MMP26: variants seen among roughly 807,000 people sequenced by gnomAD.
MMP26 encodes matrix metalloproteinase-26.
In MMP26, 33 loss-of-function variants were observed where a neutral mutation model predicts 31.0. The ratio of observed to expected loss-of-function variants is 1.06; its 90% CI spans 0.81 to 1.42. The LOEUF is 1.42. MMP26 is among the 40% of genes most tolerant of loss of function. MMP26 has a pLI of 0.00. For missense variants in MMP26, 347 were observed against 316.1 expected (o/e 1.10, Z -0.74); for synonymous variants, 122 against 114.9 (o/e 1.06, Z -0.40).
intron 2 of MMP26, chr11:4,848,802 C>T (rs151316061): frequency 9.9e-6 from 16 of 1,614,022 alleles, no homozygotes; most frequent in Non-Finnish European, 1.3e-5. Context: ...GTGGAGAGGT[C>T]GGCAGATGGC....
intron 2 of MMP26, among the ~76,000 whole-genome samples, chr11:4,957,674 C>T (rs75354296): frequency 6.6e-6 from 1 of 151,848 alleles, no homozygotes; most frequent in African/African-American, 2.4e-5. Flanking sequence ...ATCACACACA[C>T]TTCTGTTTTT....
At chr11:4,978,081 T>G (rs1332731046) in intron 2 of MMP26, among the ~76,000 whole-genome samples, 1 of 152,086 alleles carries the variant, frequency 6.6e-6, no homozygotes, top group Non-Finnish European at 1.5e-5. Flanking sequence ...CGCCTTCACT[T>G]TCTTCACTTA....
chr11:4,720,887 T>C (rs1231812491), intron 1 of MMP26, among the ~76,000 whole-genome samples: 1 of 152,176 alleles, frequency 6.6e-6, no homozygotes, highest in Non-Finnish European at 1.5e-5. Flanking sequence ...CCACTGATGG[T>C]TGATTCTATT....
chr11:4,854,952 G>C (rs556064527), intron 2 of MMP26, among the ~76,000 whole-genome samples: 19 of 152,216 alleles, frequency 1.2e-4, no homozygotes, highest in African/African-American at 4.3e-4. Flanking sequence ...AAGCAAACAG[G>C]GTCTGGAGCG....
intron 2 of MMP26, chr11:4,832,074 T>G (rs1007400078): frequency 6.6e-6 from 1 of 152,204 alleles, no homozygotes; most frequent in Non-Finnish European, 1.5e-5. Flanking sequence ...TTAAAAACTT[T>G]TATCTATTGT....
chr11:4,724,357 T>C (rs956425287), intron 1 of MMP26, among the ~76,000 whole-genome samples: 1 of 152,222 alleles, frequency 6.6e-6, no homozygotes, highest in Non-Finnish European at 1.5e-5. Context: ...TGTGACCTCC[T>C]GGTTAGATGA....
chr11:4,924,470 G>A lies in MMP26; in HGVS notation c.-144-63598G>A. ...GGAAGCATCTGCAGATGGCATAGGGGAGAACTGGGTGGGGGCTGATCTATT... is the reference window on the plus strand; with the variant it reads ...GGAAGCATCTGCAGATGGCATAGGGAAGAACTGGGTGGGGGCTGATCTATT... On this transcript the variant is annotated intron_variant, in intron 2 of 7. Coordinates refer to ENST00000380390, the MANE Select transcript of MMP26 (RefSeq NM_021801.5). 7 of 905,884 alleles carry A rather than the reference G, an allele frequency of 7.7e-6. No homozygotes were observed. The South Asian group carries it at 1.2e-4, about 15-fold the overall frequency. 56.1% of individuals were successfully genotyped at this position (905,884 alleles called of 1,614,324 possible).
At chr11:4,822,214 C>A (rs760483116) in intron 2 of MMP26, 2 of 1,587,470 alleles carry the variant, frequency 1.3e-6, no homozygotes, top group Non-Finnish European at 1.7e-6. Context: ...TCTTGTCCAT[C>A]GCTATGGCCA....
At chr11:4,987,369 C>T (rs36224985) in intron 2 of MMP26, among the ~76,000 whole-genome samples, 4,404 of 151,930 alleles carry the variant, frequency 0.029, 226 homozygotes, top group African/African-American at 0.099. Context: ...ATCTCTTTTA[C>T]ATAGGTCTTG....
intron 2 of MMP26, among the ~76,000 whole-genome samples, chr11:4,986,934 TCTCTCTCTCTCTCTCTCTCTCTCTCC>T (rs1846904019): frequency 1.0e-5 from 1 of 98,784 alleles, no homozygotes; most frequent in Admixed American, 1.1e-4. Context: ...TCTCTCTCCC[TCTCTCTCTCTCTCTCTCTCTCTCTCC>T]CTCTCTCTCT....
At chr11:4,938,939 C>T (rs1029881869) in intron 2 of MMP26, among the ~76,000 whole-genome samples, 1 of 152,102 alleles carries the variant, frequency 6.6e-6, no homozygotes, top group Non-Finnish European at 1.5e-5. Flanking sequence ...TCAACAAATA[C>T]ATCCTAATTT....
At chr11:4,816,766 G>T (rs1849425977) in intron 2 of MMP26, among the ~76,000 whole-genome samples, 2 of 147,226 alleles carry the variant, frequency 1.4e-5, no homozygotes, top group Admixed American at 6.8e-5. Flanking sequence ...CTCAGTGGCG[G>T]GATCTCGGCT....
At chr11:4,835,373 T>C (rs939640091) in intron 2 of MMP26, among the ~76,000 whole-genome samples, 3 of 152,282 alleles carry the variant, frequency 2.0e-5, no homozygotes, top group East Asian at 3.9e-4. Context: ...TTACACTTTG[T>C]AAATGTGCTT....
At chr11:4,742,042 A>C (rs1848318731) in intron 1 of MMP26, among the ~76,000 whole-genome samples, 1 of 152,196 alleles carries the variant, frequency 6.6e-6, no homozygotes, top group African/African-American at 2.4e-5. Context: ...ACTTCTAAGA[A>C]ACCCTGCTCT....
intron 1 of MMP26, among the ~76,000 whole-genome samples, chr11:4,716,657 T>TTTTTC (rs1177864305): frequency 1.3e-4 from 16 of 119,806 alleles, no homozygotes; most frequent in Non-Finnish European, 2.7e-4. Flanking sequence ...CCTCTTTTTT[T>TTTTTC]TTTTTTTTTT....
At chr11:4,949,850 C>T (rs952880939) in intron 2 of MMP26, among the ~76,000 whole-genome samples, 1 of 122,000 alleles carries the variant, frequency 8.2e-6, no homozygotes, top group South Asian at 2.4e-4. Context: ...TAATGTATAC[C>T]ATTTGAACTA....
At chr11:4,747,763 T>C (rs762448588) in intron 1 of MMP26, among the ~76,000 whole-genome samples, 7 of 151,980 alleles carry the variant, frequency 4.6e-5, no homozygotes, top group Non-Finnish European at 1.0e-4. Flanking sequence ...GGTGTTAAAA[T>C]AGGCAACATA....
At chr11:4,840,139 G>A (rs1849774432) in intron 2 of MMP26, among the ~76,000 whole-genome samples, 1 of 151,948 alleles carries the variant, frequency 6.6e-6, no homozygotes, top group South Asian at 2.1e-4. Flanking sequence ...TGTGATGTGA[G>A]TGCCAGCTCA....
intron 1 of MMP26, among the ~76,000 whole-genome samples, chr11:4,720,840 C>T (rs1848001331): frequency 1.3e-5 from 2 of 152,236 alleles, no homozygotes; most frequent in African/African-American, 4.8e-5. Context: ...ACAGAAAGAC[C>T]TCTCGTGGAG....
Sources: gnomAD v4.1 joint callset for allele counts (sites outside exome capture counted in the v4.1 genomes callset) on GRCh38, gnomAD v4.1.1 for gene constraint, MANE v1.5 for transcripts, NCBI Gene and HGNC (gene_info 2026-07-23, HGNC 2026-07-21) for gene names.